The following SATB2 variants were observed in gnomAD, a reference collection of about 807,000 sequenced individuals.
SATB2 encodes DNA-binding protein SATB2.
SATB2 carries 1 observed loss-of-function variant against 73.4 expected under a neutral mutation model. That is an observed-to-expected ratio of 0.01 (90% confidence interval 0.00 to 0.06). The LOEUF is 0.06. SATB2 is among the 10% of genes least tolerant of loss of function. The pLI is 1.00. For missense variants in SATB2, 459 were observed against 945.8 expected (o/e 0.49, Z 6.75); for synonymous variants, 397 against 367.0 (o/e 1.08, Z -0.93).
chr2:199,408,020 G>A (rs1000323700), intron 3 of SATB2, among the ~76,000 whole-genome samples: 4 of 152,146 alleles, frequency 2.6e-5, no homozygotes, highest in Non-Finnish European at 4.4e-5. Flanking sequence ...GCAAAAATAC[G>A]TGAGAAAGCC....
intron 10 of SATB2, among the ~76,000 whole-genome samples, chr2:199,279,564 A>C (rs1692417306): frequency 6.6e-6 from 1 of 152,176 alleles, no homozygotes; most frequent in Non-Finnish European, 1.5e-5. Flanking sequence ...TAAAGAGGTG[A>C]CTGTATAAGG....
rs538168025 is a variant in SATB2 at position 199,427,026 on chromosome 2, T to A, written c.346+6312A>T. ...ATAGCTGGAATTGATTATAGGCACCTGCCACCATGCCTGGCTAATTTTTGT... is the reference window on the plus strand; with the variant it reads ...ATAGCTGGAATTGATTATAGGCACCAGCCACCATGCCTGGCTAATTTTTGT... On this transcript the variant is annotated intron_variant, in intron 3 of 10. Coordinates refer to ENST00000417098, the MANE Select transcript of SATB2 (RefSeq NM_001172509.2). 4.6e-5 allele frequency among the ~76,000 whole-genome samples: 7 copies of A among 152,064 alleles called. No individual in the cohort carries two copies. In the East Asian group the frequency reaches 1.4e-3, roughly 30 times the overall value.
chr2:199,418,795 T>C (rs1691076328), intron 3 of SATB2, among the ~76,000 whole-genome samples: 1 of 152,218 alleles, frequency 6.6e-6, no homozygotes, highest in African/African-American at 2.4e-5. Flanking sequence ...TGAGAATTCA[T>C]CAGGCTGGAA....
chr2:199,429,644 T>C (rs939372408), intron 3 of SATB2, among the ~76,000 whole-genome samples: 1 of 152,220 alleles, frequency 6.6e-6, no homozygotes, highest in African/African-American at 2.4e-5. Context: ...GCACGGAGGC[T>C]CACGCCTGTA....
intron 10 of SATB2, among the ~76,000 whole-genome samples, chr2:199,304,423 A>T (rs1250924416): frequency 6.6e-6 from 1 of 152,168 alleles, no homozygotes; most frequent in Non-Finnish European, 1.5e-5. Flanking sequence ...CTACACACAG[A>T]CTAGAAACAT....
intron 7 of SATB2, among the ~76,000 whole-genome samples, chr2:199,338,931 A>AG (rs1484690924): frequency 6.6e-6 from 1 of 151,494 alleles, no homozygotes; most frequent in South Asian, 2.1e-4. Context: ...AAAAAAAAAA[A>AG]AAAAAGAAAG....
chr2:199,342,855 A>G (rs1688546558), intron 7 of SATB2, among the ~76,000 whole-genome samples: 1 of 152,192 alleles, frequency 6.6e-6, no homozygotes, highest in Non-Finnish European at 1.5e-5. Context: ...AAATAAAAAT[A>G]AACTAAAAAG....
chr2:199,445,301 C>T (rs997808070), intron 2 of SATB2, among the ~76,000 whole-genome samples: 1 of 152,180 alleles, frequency 6.6e-6, no homozygotes, highest in African/African-American at 2.4e-5. Context: ...TGCTCTGACC[C>T]TGCGCTAATT....
In SATB2 at chr2:199,455,833, C is replaced by G; in HGVS notation, c.169+36G>C. Reference sequence around the variant, plus strand: ...TGACACCCGGGCCATTATCACTGGGCCGCGGGCTGCGCGCCTCCCTGCTCC... The same window carrying G: ...TGACACCCGGGCCATTATCACTGGGGCGCGGGCTGCGCGCCTCCCTGCTCC... On this transcript the variant is annotated intron_variant, in intron 2 of 10. Transcript: ENST00000417098. This position sits in a 1 kb window ranked among gnomAD's most constrained non-coding sequence, Gnocchi z 4.1. 6.5e-7 allele frequency: 1 copy of G among 1,533,440 alleles called. No homozygotes were observed. The highest frequency in any genetic ancestry group is 2.4e-5 in the East Asian group (1 of 40,950). The allele number at this position is 1,533,440 out of a possible 1,614,324, so 95.0% of individuals were successfully genotyped here. A position where few individuals can be genotyped will look rare whatever the true frequency, so the allele number is the denominator to read the frequency against.
intron 9 of SATB2, among the ~76,000 whole-genome samples, chr2:199,317,336 G>C (rs563550182): frequency 6.6e-6 from 1 of 152,018 alleles, no homozygotes; most frequent in Non-Finnish European, 1.5e-5. Flanking sequence ...TTCTCCCACT[G>C]TAAGAACCAC....
chr2:199,284,433 A>G lies in SATB2; in HGVS notation c.1741-11761T>C, dbSNP rs151095936. Among the ~76,000 whole-genome samples the G allele has an allele frequency of 3.5e-3, 531 of 152,316 alleles. 2 individuals are homozygous for G. The highest frequency in any genetic ancestry group is 8.5e-3 in the South Asian group (41 of 4,826). Reference sequence around the variant, plus strand: ...ACTACCACTTGTAGAATGTTGCTCTAGTATCAAAGAAGAATATCACAATTA... The same window carrying G: ...ACTACCACTTGTAGAATGTTGCTCTGGTATCAAAGAAGAATATCACAATTA... On this transcript the variant is annotated intron_variant, in intron 10 of 10. Transcript: ENST00000417098.
chr2:199,332,378 A>C (rs1688213656), intron 7 of SATB2, among the ~76,000 whole-genome samples: 1 of 152,140 alleles, frequency 6.6e-6, no homozygotes, highest in South Asian at 2.1e-4. Flanking sequence ...TGGAAAAAGA[A>C]GGAAGTTGGC....
intron 2 of SATB2, among the ~76,000 whole-genome samples, chr2:199,449,347 T>C (rs1470352473): frequency 6.6e-6 from 1 of 152,200 alleles, no homozygotes; most frequent in Non-Finnish European, 1.5e-5. Context: ...CACTTAATTA[T>C]ACTGATTTTA....
At chr2:199,376,273 C>T (rs961834070) in intron 5 of SATB2, among the ~76,000 whole-genome samples, 3 of 152,218 alleles carry the variant, frequency 2.0e-5, no homozygotes, top group African/African-American at 7.2e-5. Context: ...CACCAAATTA[C>T]TCTATTCACT....
At chr2:199,354,259 G>A (rs1009169579) in intron 6 of SATB2, among the ~76,000 whole-genome samples, 3 of 152,188 alleles carry the variant, frequency 2.0e-5, no homozygotes, top group African/African-American at 7.2e-5. Context: ...AGGAGGCTGA[G>A]GCAGGAGAAT....
At chr2:199,388,560 C>A (rs1338334448) in intron 3 of SATB2, among the ~76,000 whole-genome samples, 1 of 152,118 alleles carries the variant, frequency 6.6e-6, no homozygotes, top group Admixed American at 6.5e-5. Flanking sequence ...CAGATATAAG[C>A]AACCCAGCAA....
At chr2:199,430,907 T>A (rs1434378881) in intron 3 of SATB2, among the ~76,000 whole-genome samples, 1 of 152,200 alleles carries the variant, frequency 6.6e-6, no homozygotes, top group East Asian at 1.9e-4. Context: ...TGAAAAATCA[T>A]ATTTCAAGAG....
rs1445800916 is a variant in SATB2, at chr2:199,355,340, G to GTATCTATATATATATA, written c.701-6168_701-6167insTATATATATATAGATA. Reference sequence around the variant, plus strand: ...TACATATGTATGTGTGTGTGTGTGTGTGTGTATCTATATATATATATATAT... The same window carrying GTATCTATATATATATA: ...TACATATGTATGTGTGTGTGTGTGTGTATCTATATATATATATGTGTATCTATATATATATATATAT... On this transcript the variant is annotated intron_variant, in intron 6 of 10. Transcript: ENST00000417098. Among the ~76,000 whole-genome samples, 32 of 13,848 alleles carry GTATCTATATATATATA rather than the reference G, an allele frequency of 2.3e-3. 1 individual carries two copies. The highest frequency in any genetic ancestry group is 2.6e-3 in the African/African-American group (31 of 11,744). The allele number at this position is 13,848 out of a possible 152,430, so 9.1% of individuals were successfully genotyped here.
intron 3 of SATB2, among the ~76,000 whole-genome samples, chr2:199,386,134 A>G (rs1689925165): frequency 6.6e-6 from 1 of 152,202 alleles, no homozygotes; most frequent in African/African-American, 2.4e-5. Flanking sequence ...ATCCTTGGAG[A>G]ACCAGAAGCA....
Sources: gnomAD v4.1 joint callset for allele counts (sites outside exome capture counted in the v4.1 genomes callset) on GRCh38, gnomAD v4.1.1 for gene constraint, Gnocchi (gnomAD v3.1) non-coding constraint, MANE v1.5 for transcripts, NCBI Gene and HGNC (gene_info 2026-07-23, HGNC 2026-07-21) for gene names.